The following CGNL1 variants were observed in gnomAD, a reference collection of about 807,000 sequenced individuals.
CGNL1 encodes the protein cingulin like 1.
CGNL1 carries 132 observed loss-of-function variants against 141.2 expected under a neutral mutation model. The observed-to-expected ratio is 0.93, with a 90% confidence interval of 0.81 to 1.08. The LOEUF (loss-of-function observed/expected upper bound fraction) is 1.08, where lower values mean the gene tolerates loss of function less well. Among genes scored for constraint, CGNL1 ranks in the 50% least tolerant of loss-of-function variants. CGNL1 has a pLI of 0.00. For synonymous variants in CGNL1, 690 were observed against 622.1 expected, an observed-to-expected ratio of 1.11 and a Z score of -1.63; for missense variants, 1,870 against 1,588.6, an observed-to-expected ratio of 1.18 and a Z score of -3.01.
intron 8 of CGNL1, among the ~76,000 whole-genome samples, chr15:57,465,109 C>T (rs1480088197): frequency 9.2e-5 from 14 of 152,192 alleles, no homozygotes; most frequent in African/African-American, 3.4e-4. Context: ...TTAGCTTTTG[C>T]TTCTGAAGGT....
intron 1 of CGNL1, among the ~76,000 whole-genome samples, chr15:57,400,349 A>G (rs1375807886): frequency 6.6e-6 from 1 of 152,072 alleles, no homozygotes; most frequent in Non-Finnish European, 1.5e-5. Context: ...TGTAACTGAT[A>G]CTGTTAGCAG....
At chr15:57,544,162 T>C (rs72741528) in intron 15 of CGNL1, among the ~76,000 whole-genome samples, 24,838 of 152,256 alleles carry the variant, frequency 0.16, 2,139 homozygotes, top group Admixed American at 0.2. Flanking sequence ...CTATTTCTCC[T>C]GTCCCCCTGT....
chr15:57,503,037 C>T (rs942806931), intron 8 of CGNL1, among the ~76,000 whole-genome samples: 3 of 152,200 alleles, frequency 2.0e-5, no homozygotes, highest in Admixed American at 6.5e-5. Context: ...CGCCTAAGGA[C>T]GCACCATGTG....
At chr15:57,529,557 G>GAA (rs1259900975) in intron 13 of CGNL1, among the ~76,000 whole-genome samples, 3 of 80,284 alleles carry the variant, frequency 3.7e-5, no homozygotes, top group African/African-American at 2.0e-4. Context: ...CTAACCCCCA[G>GAA]AAACACACAC....
rs1420688481 is a variant in CGNL1 at position 57,549,820 on chromosome 15, G to C, written c.*2330G>C. 6.6e-6 allele frequency: 1 copy of C among 152,140 alleles called. No individual in the cohort carries two copies. The highest frequency in any genetic ancestry group is 1.9e-4 in the East Asian group (1 of 5,176). 9.4% of individuals were successfully genotyped at this position (152,140 alleles called of 1,614,324 possible). ...AGGACGCAACAAGCCTGGTTCCCTA[G>C]AGCTCACTTTGACCCTCAATATGTT... On this transcript the variant is annotated 3_prime_UTR_variant, in exon 19 of 19. Coordinates refer to ENST00000281282, the MANE Select transcript of CGNL1 (RefSeq NM_032866.5).
At position 57,543,752 on chromosome 15, in the gene CGNL1, G is replaced by T; in HGVS notation, c.3348G>T (p.Glu1116Asp). 1 of 1,614,104 alleles carries T rather than the reference G, an allele frequency of 6.2e-7. No homozygotes were observed. Among genetic ancestry groups the T allele is most frequent in the Non-Finnish European group, 8.5e-7 (1 of 1,179,986 alleles). Residue 1116 changes from glutamate (E) to aspartate (D), a missense_variant, in exon 15 of 19, where the codon GAG (glutamate) becomes GAT (aspartate). By Grantham distance (45) the Glu-to-Asp change is conservative. Coordinates refer to ENST00000281282, the MANE Select transcript of CGNL1 (RefSeq NM_032866.5). Reference protein sequence around the residue: ...LQERAARQDLECDKISLERQN... With the variant: ...LQERAARQDLDCDKISLERQN... ...AGAGAGCTGCGAGACAAGACTTGGA[G>T]TGCGACAAGATTTCCCTGGAGAGGC...
intron 8 of CGNL1, among the ~76,000 whole-genome samples, chr15:57,510,744 G>C (rs1293453877): frequency 6.6e-6 from 1 of 152,198 alleles, no homozygotes; most frequent in African/African-American, 2.4e-5. Context: ...CTCTGCCTTA[G>C]GGTTTCTGGA....
intron 1 of CGNL1, among the ~76,000 whole-genome samples, chr15:57,414,363 G>A (rs2062825653): frequency 2.6e-5 from 4 of 152,178 alleles, no homozygotes; most frequent in Admixed American, 2.6e-4. Flanking sequence ...TGAGAGTCGA[G>A]GATCCCATCT....
chr15:57,424,308 C>A (rs192965603), intron 1 of CGNL1, among the ~76,000 whole-genome samples: 5 of 152,236 alleles, frequency 3.3e-5, no homozygotes, highest in Admixed American at 3.3e-4. Flanking sequence ...GCTTCCTTAA[C>A]TGTCTATCTA....
intron 8 of CGNL1, among the ~76,000 whole-genome samples, chr15:57,500,546 G>C (rs569238094): frequency 6.6e-6 from 1 of 152,186 alleles, no homozygotes; most frequent in East Asian, 1.9e-4. Flanking sequence ...CCATCTCGGG[G>C]AACTGAACAT....
Position 57,439,373 on chromosome 15 carries a change from C to G in CGNL1, c.1374C>G (p.His458Gln). 6.2e-7 allele frequency: 1 copy of G among 1,614,184 alleles called. No individual in the cohort carries two copies. Residue 458 changes from histidine (H) to glutamine (Q), a missense_variant, in exon 2 of 19, where the codon CAC becomes CAG. By Grantham distance (24) the His-to-Gln change is conservative. Transcript: ENST00000281282. ...CAGCGCACGGGGCTTCATGTGCCCA[C>G]TCCAGGCCTCCCCAGCCGAACATAG... is the stretch of plus-strand genomic sequence containing the variant. ...QGAAHGASCAHSRPPQPNIDG... is the reference protein window; with the variant it reads ...QGAAHGASCAQSRPPQPNIDG...
chr15:57,495,870 A>G (rs79951809), intron 8 of CGNL1, among the ~76,000 whole-genome samples: 1,682 of 152,274 alleles, frequency 0.011, 34 homozygotes, highest in African/African-American at 0.038. Flanking sequence ...GAAGACATCT[A>G]TTTTCATGTG....
At chr15:57,397,428 G>T (rs2062614552) in intron 1 of CGNL1, among the ~76,000 whole-genome samples, 1 of 152,310 alleles carries the variant, frequency 6.6e-6, no homozygotes, top group Non-Finnish European at 1.5e-5. Flanking sequence ...GGAAGCTCCT[G>T]ATCCTAACTC....
chr15:57,432,310 A>ATG (rs1282373526), intron 1 of CGNL1, among the ~76,000 whole-genome samples: 25 of 152,170 alleles, frequency 1.6e-4, no homozygotes, highest in African/African-American at 5.5e-4. Context: ...TGGGGCGGGG[A>ATG]TGTGTGGACC....
At chr15:57,489,137 T>A (rs1473980371) in intron 8 of CGNL1, among the ~76,000 whole-genome samples, 1 of 152,250 alleles carries the variant, frequency 6.6e-6, no homozygotes, top group African/African-American at 2.4e-5. Context: ...TATAATAGAA[T>A]TAAACATGAA....
At chr15:57,515,401 A>G (rs1413756943) in intron 8 of CGNL1, among the ~76,000 whole-genome samples, 2 of 152,326 alleles carry the variant, frequency 1.3e-5, no homozygotes, top group East Asian at 1.9e-4. Flanking sequence ...AGAAGTAAAG[A>G]TCTTTCCAAC....
chr15:57,384,278 C>T (rs544593890), intron 1 of CGNL1, among the ~76,000 whole-genome samples: 1 of 152,106 alleles, frequency 6.6e-6, no homozygotes. Flanking sequence ...TTCCAGGAGA[C>T]CTGCCCAAGA....
chr15:57,439,822 T>C (rs921489398), intron 2 of CGNL1, among the ~76,000 whole-genome samples: 3 of 152,220 alleles, frequency 2.0e-5, no homozygotes, highest in Non-Finnish European at 4.4e-5. Flanking sequence ...GGATTCCCAT[T>C]GTGATCTCTC....
rs771215855 is a variant in CGNL1 at position 57,453,660 on chromosome 15, T to TAATGGGCTTCCTTCCCTGCCA, written c.2055-22_2055-2dup. ...TAAGCAGAGCCCAGAAGAGCCTGTC[T>TAATGGGCTTCCTTCCCTGCCA]AATGGGCTTCCTTCCCTGCCAGGCT... On this transcript the variant is annotated intron_variant, in intron 6 of 18. Transcript: ENST00000281282. The TAATGGGCTTCCTTCCCTGCCA allele has an allele frequency of 1.5e-5, 24 of 1,612,846 alleles. No individual in the cohort carries two copies. In the South Asian group the frequency reaches 2.5e-4, roughly 17 times the overall value.
Sources: gnomAD v4.1 joint callset for allele counts (sites outside exome capture counted in the v4.1 genomes callset) on GRCh38, gnomAD v4.1.1 for gene constraint, MANE v1.5 for transcripts, NCBI Gene and HGNC (gene_info 2026-07-23, HGNC 2026-07-21) for gene names.